The following UBAP1L variants were observed in gnomAD, a reference collection of about 807,000 sequenced individuals.
UBAP1L encodes ubiquitin associated protein 1 like.
In UBAP1L, 32 loss-of-function variants were observed where a neutral mutation model predicts 32.1. The ratio of observed to expected loss-of-function variants is 1.00; its 90% CI spans 0.75 to 1.34. The LOEUF (loss-of-function observed/expected upper bound fraction) is 1.34, where lower values mean the gene tolerates loss of function less well. UBAP1L is among the 40% of genes most tolerant of loss of function. The pLI, the probability that UBAP1L is intolerant of heterozygous loss-of-function variation, is 0.00. For synonymous variants in UBAP1L, 243 were observed against 250.2 expected, an observed-to-expected ratio of 0.97 and a Z score of 0.27; for missense variants, 516 against 540.5, an observed-to-expected ratio of 0.95 and a Z score of 0.45.
At chr15:65,109,467 A>G (rs1215470656) in intron 1 of UBAP1L, among the ~76,000 whole-genome samples, 2 of 118,588 alleles carry the variant, frequency 1.7e-5, no homozygotes, top group African/African-American at 6.0e-5. Context: ...TGGGTGACAG[A>G]GCGAGAATCT....
At chr15:65,110,684 C>CAAAAAA (rs71136313) in intron 1 of UBAP1L, among the ~76,000 whole-genome samples, 3 of 63,054 alleles carry the variant, frequency 4.8e-5, no homozygotes, top group Non-Finnish European at 6.5e-5. Context: ...GACTCTGTCT[C>CAAAAAA]AAAAAAAAAA....
intron 4 of UBAP1L, chr15:65,096,181 T>C (rs1041342794): frequency 1.3e-5 from 2 of 152,368 alleles, no homozygotes; most frequent in East Asian, 1.9e-4. Context: ...GGACGCTGCC[T>C]CCACCTTTTG....
intron 1 of UBAP1L, among the ~76,000 whole-genome samples, chr15:65,113,880 A>G (rs1468562524): frequency 6.6e-6 from 1 of 152,094 alleles, no homozygotes; most frequent in South Asian, 2.1e-4. Flanking sequence ...TGGCCTTTAC[A>G]AAGTTTTTTA....
rs566552871 is a variant in UBAP1L at position 65,109,144 on chromosome 15, G to A, written c.-173-2756C>T. 1.8e-3 allele frequency among the ~76,000 whole-genome samples: 249 copies of A among 139,770 alleles called. 1 individual carries two copies. Among genetic ancestry groups the A allele is most frequent in the Middle Eastern group, 8.3e-3 (2 of 242 alleles). The allele number at this position is 139,770 out of a possible 152,430, so 91.7% of individuals were successfully genotyped here. ...TCTACTCCAGCCTAGGTGACAGAGC[G>A]AGACTCTGTCTCAAAAAAAAAAAAA... On this transcript the variant is annotated intron_variant, in intron 1 of 5. Transcript: ENST00000559089.
intron 1 of UBAP1L, among the ~76,000 whole-genome samples, chr15:65,108,300 C>T (rs1333990009): frequency 6.7e-6 from 1 of 149,798 alleles, no homozygotes; most frequent in South Asian, 2.1e-4. Context: ...AAAACAAAAA[C>T]AATATTGACC....
Position 65,093,216 on chromosome 15 carries a change from G to A in UBAP1L, c.1027C>T (p.Arg343Cys), listed in dbSNP as rs547893922. ...ATGTCACTGAACTGCTCCCAGAGGC[G>A]CAGGAACTCCCCTGCCTGAGGAAGA... is the stretch of plus-strand genomic sequence containing the variant. The part of the protein sequence containing the change: ...FSESQAGEFL[R>C]LWEQFSDMGF... The change falls in exon 6 of 6, where the codon CGC (arginine) becomes TGC (cysteine). Residue 343 changes from arginine to cysteine, a missense_variant. Physicochemically the swap from Arg to Cys is radical, Grantham distance 180 (BLOSUM62 -3). Transcript: ENST00000559089. 4.4e-5 allele frequency: 68 copies of A among 1,546,440 alleles called. No homozygotes were observed. Among genetic ancestry groups the A allele is most frequent in the East Asian group, 3.7e-4 (15 of 40,766 alleles).
intron 2 of UBAP1L, among the ~76,000 whole-genome samples, chr15:65,105,221 T>C (rs1416830840): frequency 6.6e-6 from 1 of 151,948 alleles, no homozygotes; most frequent in Non-Finnish European, 1.5e-5. Context: ...ATGCTTGTAA[T>C]TGCAGCACTT....
At chr15:65,106,536 A>T (rs2087313994) in intron 1 of UBAP1L, 148 bp from the exon 2 acceptor site, 3 of 232,752 alleles carry the variant, frequency 1.3e-5, no homozygotes, top group Middle Eastern at 1.2e-3. Flanking sequence ...AATAATTGTC[A>T]CCCAAATGTT....
intron 2 of UBAP1L, chr15:65,105,010 GAAAAAA>G: frequency 5.8e-6 from 1 of 173,180 alleles, no homozygotes; most frequent in South Asian, 7.5e-5. Context: ...TGTCTCAAAT[GAAAAAA>G]AAAAAAAAAA....
At chr15:65,105,575 A>C in intron 2 of UBAP1L, 1 of 582,184 alleles carries the variant, frequency 1.7e-6, no homozygotes, top group Non-Finnish European at 3.2e-6. Context: ...CCATAAAATC[A>C]TGCAAATCAA....
Position 65,094,794 on chromosome 15 carries a change from A to C in UBAP1L, c.910-218T>G. On this transcript the variant is annotated intron_variant, in intron 4 of 5. Transcript: ENST00000559089. The surrounding 1 kb of genome is among the most constrained non-coding windows in gnomAD (Gnocchi z 4.2). ...GGCAGACAATGGGTCTTCACCAACT[A>C]TGCCAAGCTGGGGGCTGGACTCCAG... 1 of 576,586 alleles carries C rather than the reference A, an allele frequency of 1.7e-6. No individual in the cohort carries two copies. The highest frequency in any genetic ancestry group is 3.1e-6 in the Non-Finnish European group (1 of 320,494). 35.7% of individuals were successfully genotyped at this position (576,586 alleles called of 1,614,324 possible).
At chr15:65,110,296 T>C (rs925035552) in intron 1 of UBAP1L, among the ~76,000 whole-genome samples, 2 of 151,248 alleles carry the variant, frequency 1.3e-5, no homozygotes, top group African/African-American at 2.4e-5. Context: ...GAGGCGGAGA[T>C]TGCAGTGAGC....
At chr15:65,097,279 T>A (rs1011025201) in intron 4 of UBAP1L, 1 of 152,306 alleles carries the variant, frequency 6.6e-6, no homozygotes, top group Non-Finnish European at 1.5e-5. Flanking sequence ...CCACAGGGCC[T>A]GAAGGGACTG....
At chr15:65,101,969 C>T in intron 3 of UBAP1L, 137 bp downstream of exon 3, 1 of 352,404 alleles carries the variant, frequency 2.8e-6, no homozygotes, top group Middle Eastern at 7.8e-4. Context: ...ACGGTACAGG[C>T]CCAGGTGGGA....
At chr15:65,112,788 G>T (rs1001896750) in intron 1 of UBAP1L, among the ~76,000 whole-genome samples, 1 of 151,944 alleles carries the variant, frequency 6.6e-6, no homozygotes, top group Non-Finnish European at 1.5e-5. Context: ...ACTGCTCCTC[G>T]CCCCCAGGGT....
intron 1 of UBAP1L, among the ~76,000 whole-genome samples, chr15:65,109,407 C>T (rs1478650975): frequency 2.2e-5 from 3 of 134,762 alleles, no homozygotes; most frequent in African/African-American, 8.2e-5. Context: ...GGCATGAACC[C>T]AGGAGGCGGA....
chr15:65,102,397 G>T lies in UBAP1L; in HGVS notation c.408C>A (p.Pro136=), dbSNP rs1476113522. 3 of 1,429,634 alleles carry T rather than the reference G, an allele frequency of 2.1e-6. No homozygotes were observed. Among genetic ancestry groups the T allele is most frequent in the South Asian group, 2.9e-5 (2 of 68,140 alleles). 88.6% of individuals were successfully genotyped at this position (1,429,634 alleles called of 1,614,324 possible). A position where few individuals can be genotyped will look rare whatever the true frequency, so the allele number is the denominator to read the frequency against. Reference sequence around the variant, plus strand: ...GCGAGCACAGGCGACGGCCGGGGCCGGGGCTCGCCGGGGAGCCCGGTTGGA... The same window carrying T: ...GCGAGCACAGGCGACGGCCGGGGCCTGGGCTCGCCGGGGAGCCCGGTTGGA... ...SSLQPGSPAS[P]GPGRRLCSLD... Residue 136 remains proline (P), a synonymous_variant, in exon 3 of 6, where the codon CCC becomes CCA. Coordinates refer to ENST00000559089, the MANE Select transcript of UBAP1L (RefSeq NM_001163692.2). The surrounding 1 kb of genome is among the most constrained non-coding windows in gnomAD (Gnocchi z 5.0).
At chr15:65,104,301 C>A (rs111513349) in intron 2 of UBAP1L, among the ~76,000 whole-genome samples, 3,376 of 136,830 alleles carry the variant, frequency 0.025, 56 homozygotes, top group African/African-American at 0.047. Flanking sequence ...AGAGAGAGAG[C>A]GAGACAGAGA....
intron 3 of UBAP1L, 23 bp from the exon 4 acceptor site, chr15:65,099,737 A>G (rs1218057612): frequency 2.0e-6 from 3 of 1,528,686 alleles, no homozygotes; most frequent in Admixed American, 2.0e-5. Flanking sequence ...CAGACTGGAC[A>G]TGTCAGTTAC....
Sources: gnomAD v4.1 joint callset for allele counts (sites outside exome capture counted in the v4.1 genomes callset) on GRCh38, gnomAD v4.1.1 for gene constraint, Gnocchi (gnomAD v3.1) non-coding constraint, MANE v1.5 for transcripts, NCBI Gene and HGNC (gene_info 2026-07-23, HGNC 2026-07-21) for gene names.